Variants in NFATC2 observed in about 807,000 individuals in gnomAD.
The protein encoded by NFATC2 is nuclear factor of activated T-cells, cytoplasmic 2.
Under a neutral mutation model 87.3 loss-of-function variants are expected in NFATC2, and 22 were observed. The ratio of observed to expected loss-of-function variants is 0.25; its 90% CI spans 0.18 to 0.36. The LOEUF is 0.36. NFATC2 is among the 10% of genes least tolerant of loss of function. The pLI is 1.00. For synonymous variants in NFATC2, 565 were observed against 542.2 expected (o/e 1.04, Z -0.58); for missense variants, 1,149 against 1,259.1 (o/e 0.91, Z 1.32).
At chr20:51,494,078 C>A (rs1043807927) in intron 3 of NFATC2, among the ~76,000 whole-genome samples, 10 of 152,188 alleles carry the variant, frequency 6.6e-5, no homozygotes, top group African/African-American at 2.4e-4. Context: ...ATCATCGCCA[C>A]CATCGTCACC....
rs999249009 is a variant in NFATC2 at position 51,391,279 on chromosome 20, T to C, written c.*217A>G. The C allele has an allele frequency of 9.4e-7, 1 of 1,066,800 alleles. No individual in the cohort carries two copies. The highest frequency in any genetic ancestry group is 1.7e-5 in the Admixed American group (1 of 58,894). 66.1% of individuals were successfully genotyped at this position (1,066,800 alleles called of 1,614,324 possible). ...TGAGAGTCCGCTTAGTGCCCATACA[T>C]TGATCCGCGTGTGGACTCCGGGCTG... On this transcript the variant is annotated 3_prime_UTR_variant, in exon 11 of 11. Coordinates refer to ENST00000371564, the MANE Select transcript of NFATC2 (RefSeq NM_012340.5).
At chr20:51,527,026 G>C (rs1234785416) in intron 1 of NFATC2, among the ~76,000 whole-genome samples, 1 of 151,724 alleles carries the variant, frequency 6.6e-6, no homozygotes, top group Non-Finnish European at 1.5e-5. Flanking sequence ...AGCCTCCCAA[G>C]TAGCTGGGAC....
intron 1 of NFATC2, among the ~76,000 whole-genome samples, chr20:51,531,926 TTC>T (rs1416516445): frequency 6.6e-6 from 1 of 152,160 alleles, no homozygotes; most frequent in African/African-American, 2.4e-5. Context: ...ACTTTAGGAA[TTC>T]TCTTTTTACC....
upstream of NFATC2, among the ~76,000 whole-genome samples, chr20:51,544,051 G>A (rs906048855): frequency 8.4e-5 from 12 of 142,246 alleles, no homozygotes; most frequent in South Asian, 4.5e-4. Context: ...GCAGTGGCGC[G>A]ATCTTGGCTC....
chr20:51,428,810 G>A (rs1018004947), intron 9 of NFATC2, among the ~76,000 whole-genome samples: 2 of 152,194 alleles, frequency 1.3e-5, no homozygotes, highest in African/African-American at 4.8e-5. Flanking sequence ...CTCTTACAAA[G>A]TTTCCAAGGA....
chr20:51,500,335 C>T (rs1475476582), intron 3 of NFATC2, among the ~76,000 whole-genome samples: 1 of 152,102 alleles, frequency 6.6e-6, no homozygotes, highest in African/African-American at 2.4e-5. Context: ...GACAGCTTAA[C>T]AGCTTCAAGT....
intron 5 of NFATC2, among the ~76,000 whole-genome samples, chr20:51,472,629 C>CTT (rs1223762055): frequency 0.011 from 1,041 of 92,664 alleles, 3 homozygotes; most frequent in Non-Finnish European, 0.013. Flanking sequence ...CTTCTTTCTT[C>CTT]TTTTTTTTTT....
chr20:51,486,275 C>A lies in NFATC2; in HGVS notation c.1333-10615G>T, dbSNP rs1297359204. Reference sequence around the variant, plus strand: ...CAGCCGACAAAACTGCATGATCAGACCCCCGCCCATATCACCAGCTTCATC... The same window carrying A: ...CAGCCGACAAAACTGCATGATCAGAACCCCGCCCATATCACCAGCTTCATC... On this transcript the variant is annotated intron_variant, in intron 3 of 10. Coordinates refer to ENST00000371564, the MANE Select transcript of NFATC2 (RefSeq NM_012340.5). 4.6e-5 allele frequency among the ~76,000 whole-genome samples: 7 copies of A among 152,270 alleles called. No individual in the cohort carries two copies. The East Asian group carries it at 1.2e-3, about 25-fold the overall frequency.
intron 5 of NFATC2, among the ~76,000 whole-genome samples, chr20:51,466,850 T>C (rs879643629): frequency 1.3e-5 from 2 of 152,108 alleles, no homozygotes; most frequent in Non-Finnish European, 2.9e-5. Flanking sequence ...GGCGGGCAGA[T>C]CGCCTGAGGT....
chr20:51,397,573 A>G (rs932893253), intron 10 of NFATC2, among the ~76,000 whole-genome samples: 3 of 152,126 alleles, frequency 2.0e-5, no homozygotes, highest in Admixed American at 6.6e-5. Flanking sequence ...TTTTACTTGC[A>G]TTTTTATCCT....
intron 5 of NFATC2, among the ~76,000 whole-genome samples, chr20:51,460,515 T>C (rs1229335793): frequency 6.6e-6 from 1 of 151,922 alleles, no homozygotes; most frequent in Non-Finnish European, 1.5e-5. Flanking sequence ...GTGCCAGCCA[T>C]AGACATTGTT....
chr20:51,549,524 G>T (rs1378842609), intron 1 of NFATC2, among the ~76,000 whole-genome samples: 3 of 152,210 alleles, frequency 2.0e-5, no homozygotes, highest in Non-Finnish European at 2.9e-5. Context: ...TCAATGGCAT[G>T]AAGACATAAA....
Position 51,435,264 on chromosome 20 carries a change from T to C in NFATC2, c.1956A>G (p.Thr652=), listed in dbSNP as rs1234349605. Residue 652 remains threonine (T), a synonymous_variant, in exon 8 of 11, where the codon ACA becomes ACG. Transcript: ENST00000371564. The stretch of plus-strand genomic sequence containing the variant: ...TGACGTAGAAGTTCACTTTTACAGG[T>C]GTGCGGATATGCTTGTTCCGATATT... ...IPEYRNKHIR[T]PVKVNFYVIN... 6.8e-6 allele frequency: 11 copies of C among 1,614,068 alleles called. No homozygotes were observed. The highest frequency in any genetic ancestry group is 6.7e-5 in the East Asian group (3 of 44,896).
chr20:51,496,805 A>G (rs1015319314), intron 3 of NFATC2, among the ~76,000 whole-genome samples: 2 of 152,110 alleles, frequency 1.3e-5, no homozygotes, highest in Non-Finnish European at 2.9e-5. Context: ...TGTGACCTCA[A>G]TTATTTTCCC....
intron 5 of NFATC2, among the ~76,000 whole-genome samples, chr20:51,456,281 A>G (rs1986534928): frequency 6.6e-6 from 1 of 152,178 alleles, no homozygotes; most frequent in Admixed American, 6.5e-5. Context: ...TGAGCACTAA[A>G]CCAGAATGCT....
chr20:51,510,117 G>A (rs1405724715), intron 3 of NFATC2, among the ~76,000 whole-genome samples: 2 of 152,242 alleles, frequency 1.3e-5, no homozygotes, highest in Non-Finnish European at 1.5e-5. Flanking sequence ...CTAAAAGGAT[G>A]GCGTTCTGAT....
chr20:51,533,122 G>A (rs2076662759), intron 1 of NFATC2, among the ~76,000 whole-genome samples: 1 of 152,232 alleles, frequency 6.6e-6, no homozygotes. Flanking sequence ...GGAGGAAAGG[G>A]GAGCAGACAG....
At chr20:51,510,858 T>C (rs2076262190) in intron 3 of NFATC2, among the ~76,000 whole-genome samples, 3 of 152,200 alleles carry the variant, frequency 2.0e-5, no homozygotes, top group African/African-American at 7.2e-5. Context: ...AACTAGACAA[T>C]TCTTAGAAAT....
intron 6 of NFATC2, among the ~76,000 whole-genome samples, chr20:51,447,728 G>T (rs935912749): frequency 6.6e-6 from 1 of 152,206 alleles, no homozygotes; most frequent in East Asian, 1.9e-4. Context: ...TGCCTGAAGG[G>T]TTACACATTT....
Sources: allele counts gnomAD v4.1 joint callset (sites outside exome capture counted in the v4.1 genomes callset), GRCh38; gene constraint gnomAD v4.1.1; transcripts MANE v1.5; gene names NCBI Gene and HGNC (gene_info 2026-07-23, HGNC 2026-07-21).